PIK3R3: variants seen among roughly 807,000 people sequenced by gnomAD.
The protein encoded by PIK3R3 is phosphatidylinositol 3-kinase regulatory subunit gamma.
A neutral mutation model predicts 62.9 loss-of-function variants in PIK3R3; 64 were observed. The ratio of observed to expected loss-of-function variants is 1.02; its 90% CI spans 0.83 to 1.25. PIK3R3 has a LOEUF of 1.25. Among genes scored for constraint, PIK3R3 ranks in the 50% most tolerant of loss-of-function variants. The pLI is 0.00. For missense variants in PIK3R3, 614 were observed against 561.6 expected (o/e 1.09, Z -0.94); for synonymous variants, 165 against 189.0 (o/e 0.87, Z 1.04).
At position 46,071,696 on chromosome 1, in the gene PIK3R3, CA is replaced by C. The variant is rs1331276065; in HGVS notation, c.315-4606del. ...GAGCAACAGAGCAAGACTCTGTCTC[CA>C]AAAAAAAAAAAAAAAATATATATAT... On this transcript the variant is annotated intron_variant, in intron 3 of 9. Transcript: ENST00000262741. Among the ~76,000 whole-genome samples the C allele has an allele frequency of 1.4e-3, 24 of 17,244 alleles. 1 individual carries two copies. The highest frequency in any genetic ancestry group is 4.6e-3 in the African/African-American group (20 of 4,338). 11.3% of individuals were successfully genotyped at this position (17,244 alleles called of 152,430 possible).
At chr1:46,080,073 T>C (rs1324781578) in intron 2 of PIK3R3, among the ~76,000 whole-genome samples, 1 of 151,142 alleles carries the variant, frequency 6.6e-6, no homozygotes, top group Non-Finnish European at 1.5e-5. Context: ...TCTTTTTTTT[T>C]TTTTAAGAGA....
chr1:46,064,312 G>A (rs1648794973), intron 5 of PIK3R3, among the ~76,000 whole-genome samples: 1 of 152,082 alleles, frequency 6.6e-6, no homozygotes, highest in Admixed American at 6.6e-5. Flanking sequence ...AGGCCGAGAT[G>A]GGCGGATCAC....
chr1:46,077,678 G>T, intron 2 of PIK3R3, 65 bp from the exon 3 acceptor site: 1 of 966,604 alleles, frequency 1.0e-6, no homozygotes, highest in South Asian at 1.3e-5. Flanking sequence ...CAGTAGGTGT[G>T]CCTTCTTTAC....
chr1:46,145,156 A>AAAATTTAG, the PIK3R3 span, among the ~76,000 whole-genome samples: 1 of 151,740 alleles, frequency 6.6e-6, no homozygotes, highest in African/African-American at 2.4e-5. Flanking sequence ...AGACTGGGTT[A>AAAATTTAG]AAATTTAGAA....
rs543086097 is a variant in PIK3R3, at chr1:46,124,296, A to T, written c.106+7551T>A. On this transcript the variant is annotated intron_variant, in intron 1 of 9. Transcript: ENST00000262741. ...CACAGAGAGGTTTTCTCTGGGCAGG[A>T]TAAGAAGCAAAGCTAGTTTTGTAAT... Among the ~76,000 whole-genome samples, 11 of 152,300 alleles carry T rather than the reference A, an allele frequency of 7.2e-5. No homozygotes were observed. The South Asian group carries it at 2.3e-3, about 32-fold the overall frequency.
chr1:46,049,817 A>T (rs188565115), intron 7 of PIK3R3, among the ~76,000 whole-genome samples: 202 of 147,944 alleles, frequency 1.4e-3, no homozygotes, highest in African/African-American at 4.0e-3. Flanking sequence ...AAATTTAATT[A>T]AAAAAAAAAA....
chr1:46,138,262 A>T, the PIK3R3 span, among the ~76,000 whole-genome samples: 1 of 152,186 alleles, frequency 6.6e-6, no homozygotes, highest in African/African-American at 2.4e-5. Context: ...ATGTCCAATA[A>T]TTGCCCTGTA....
At chr1:46,065,441 C>T (rs1352124765) in intron 5 of PIK3R3, among the ~76,000 whole-genome samples, 1 of 152,210 alleles carries the variant, frequency 6.6e-6, no homozygotes, top group East Asian at 1.9e-4. Context: ...CATCCATCAG[C>T]TCCTTCTTCC....
intron 6 of PIK3R3, among the ~76,000 whole-genome samples, chr1:46,058,447 C>G (rs1648153794): frequency 6.6e-6 from 1 of 152,178 alleles, no homozygotes; most frequent in South Asian, 2.1e-4. Context: ...ACACCGTGTG[C>G]CTGGAAAAGC....
chr1:46,173,832 G>C, the PIK3R3 span, among the ~76,000 whole-genome samples: 6 of 152,134 alleles, frequency 3.9e-5, no homozygotes, highest in African/African-American at 1.2e-4. Context: ...CACAGACACA[G>C]ATACACACAG....
At chr1:46,091,753 T>G (rs1488195749) in intron 1 of PIK3R3, among the ~76,000 whole-genome samples, 1 of 152,134 alleles carries the variant, frequency 6.6e-6, no homozygotes. Context: ...CCAGGACCCC[T>G]GCAGATACCA....
chr1:46,093,854 CAA>C (rs1165093882), intron 1 of PIK3R3, among the ~76,000 whole-genome samples: 16 of 70,348 alleles, frequency 2.3e-4, no homozygotes, highest in Admixed American at 6.5e-4. Context: ...GACTCCATCT[CAA>C]AAAAAAAAAA....
chr1:46,166,203 C>CT, the PIK3R3 span, among the ~76,000 whole-genome samples: 1 of 151,484 alleles, frequency 6.6e-6, no homozygotes, highest in East Asian at 2.0e-4. Context: ...TGCTTATAGG[C>CT]TTTTTTCTTT....
intron 2 of PIK3R3, among the ~76,000 whole-genome samples, chr1:46,078,558 T>A (rs1013342609): frequency 1.3e-5 from 2 of 152,142 alleles, no homozygotes; most frequent in African/African-American, 2.4e-5. Context: ...AAAATTTTTT[T>A]AATAAAACAT....
rs1425822617 is a variant in PIK3R3, at chr1:46,080,674, C to T, written c.183G>A (p.Gln61=). The change falls in exon 2 of 10, where the codon CAG becomes CAA. Residue 61 remains glutamine (Q), a synonymous_variant. Transcript: ENST00000262741. ...TATCCCCCCAGTACCATTCTGCATC[C>T]TGAAGAGAAACAGAACTGTCCTTCA... ...NGMKDSSVSL[Q]DAEWYWGDIS... 3.1e-6 allele frequency: 5 copies of T among 1,612,390 alleles called. No individual in the cohort carries two copies. The African/African-American group carries it at 6.7e-5, about 22-fold the overall frequency.
intron 6 of PIK3R3, among the ~76,000 whole-genome samples, chr1:46,057,903 T>C (rs990496695): frequency 1.3e-5 from 2 of 152,144 alleles, no homozygotes; most frequent in Non-Finnish European, 2.9e-5. Flanking sequence ...TTTGCATAAG[T>C]AACAAAAAGC....
chr1:46,066,251 A>AT, intron 4 of PIK3R3, 72 bp from the exon 5 acceptor site: 2 of 1,096,308 alleles, frequency 1.8e-6, no homozygotes, highest in East Asian at 2.4e-5. Flanking sequence ...TTCCACATCT[A>AT]TTTTTTAAAG....
chr1:46,068,140 T>C (rs1467482954), intron 3 of PIK3R3, among the ~76,000 whole-genome samples: 1 of 152,210 alleles, frequency 6.6e-6, no homozygotes, highest in African/African-American at 2.4e-5. Flanking sequence ...ATTTAAACAA[T>C]GTTTAGGTCA....
At chr1:46,101,941 A>T (rs1007630090) in intron 1 of PIK3R3, among the ~76,000 whole-genome samples, 3 of 151,864 alleles carry the variant, frequency 2.0e-5, no homozygotes, top group Non-Finnish European at 2.9e-5. Flanking sequence ...TAACTTTAAA[A>T]AATTAACAAT....
Sources: allele counts gnomAD v4.1 joint callset (sites outside exome capture counted in the v4.1 genomes callset), GRCh38; gene constraint gnomAD v4.1.1; transcripts MANE v1.5; gene names NCBI Gene and HGNC (gene_info 2026-07-23, HGNC 2026-07-21).